The following AASDH variants were observed in gnomAD, a reference collection of about 807,000 sequenced individuals.
AASDH encodes the protein aminoadipate-semialdehyde dehydrogenase, also known as beta-alanine-activating enzyme.
Under a neutral mutation model 102.3 loss-of-function variants are expected in AASDH, and 81 were observed. That is an observed-to-expected ratio of 0.79 (90% CI 0.66 to 0.95). AASDH has a LOEUF of 0.95. Ranked by LOEUF, AASDH falls within the 40% of genes least tolerant of loss-of-function variation. The pLI, the probability that AASDH is intolerant of heterozygous loss-of-function variation, is 0.00. For synonymous variants in AASDH, 398 were observed against 454.0 expected (o/e 0.88, Z 1.57); for missense variants, 1,203 against 1,266.2 (o/e 0.95, Z 0.76).
chr4:56,357,903 T>C (rs1366146304), intron 5 of AASDH, among the ~76,000 whole-genome samples: 1 of 151,734 alleles, frequency 6.6e-6, no homozygotes, highest in Non-Finnish European at 1.5e-5. Context: ...TGGATTTTGC[T>C]GGGAAGTGTG....
rs747093207 is a variant in AASDH at position 56,350,035 on chromosome 4, ATCT to A, written c.1713_1715del (p.Glu571del). On this transcript the variant is annotated inframe_deletion, in exon 11 of 15. Transcript: ENST00000205214. ...GTGACTCATCAGGAACCCTCAAAAG[ATCT>A]TCTGGGAGATTCAGAGTAGACTACA... is the stretch of plus-strand genomic sequence containing the variant. 6.3e-7 allele frequency: 1 copy of A among 1,596,582 alleles called. No homozygotes were observed. The highest frequency in any genetic ancestry group is 1.7e-5 in the Admixed American group (1 of 57,652).
intron 5 of AASDH, among the ~76,000 whole-genome samples, chr4:56,366,836 C>T (rs1275299475): frequency 1.3e-5 from 2 of 149,622 alleles, no homozygotes; most frequent in Non-Finnish European, 3.0e-5. Context: ...TCTCTCACCA[C>T]TCCTATTCAA....
intron 11 of AASDH, among the ~76,000 whole-genome samples, chr4:56,347,262 C>G (rs1286356176): frequency 1.3e-5 from 2 of 152,158 alleles, no homozygotes; most frequent in East Asian, 3.8e-4. Context: ...TCAGCAGTTT[C>G]TTATCATTCA....
At chr4:56,339,945 G>A (rs1331008914) in intron 14 of AASDH, among the ~76,000 whole-genome samples, 1 of 151,858 alleles carries the variant, frequency 6.6e-6, no homozygotes, top group Non-Finnish European at 1.5e-5. Context: ...AAGGCAGGTG[G>A]ATCACCTGAG....
intron 7 of AASDH, 36 bp downstream of exon 7, chr4:56,354,669 G>GAA: frequency 1.4e-6 from 2 of 1,459,514 alleles, no homozygotes; most frequent in Middle Eastern, 1.8e-4. Flanking sequence ...CATTTTTCTT[G>GAA]AAAAAAAAAT....
intron 1 of AASDH, among the ~76,000 whole-genome samples, 154 bp downstream of exon 1, chr4:56,387,208 C>G (rs1035907600): frequency 1.3e-5 from 2 of 152,176 alleles, no homozygotes; most frequent in Non-Finnish European, 2.9e-5. Context: ...TTAGTCTGCA[C>G]CACACCAGCA....
intron 9 of AASDH, among the ~76,000 whole-genome samples, chr4:56,352,501 C>T (rs939340227): frequency 2.0e-5 from 3 of 152,144 alleles, no homozygotes; most frequent in Non-Finnish European, 4.4e-5. Flanking sequence ...TCAAGCGATC[C>T]TCCCACCTCA....
intron 3 of AASDH, chr4:56,381,784 T>C (rs1216664614): frequency 3.9e-5 from 6 of 152,108 alleles, no homozygotes; most frequent in Non-Finnish European, 7.3e-5. Context: ...TTTATAATGT[T>C]CTTCCCCTTT....
chr4:56,350,144 G>C (rs918911811), intron 10 of AASDH, 86 bp from the exon 11 acceptor site: 40 of 1,123,338 alleles, frequency 3.6e-5, no homozygotes, highest in Admixed American at 5.8e-5. Context: ...ATAGAGATGA[G>C]AGTACCTACA....
At chr4:56,379,649 CG>C (rs1278567652) in intron 3 of AASDH, among the ~76,000 whole-genome samples, 13 of 152,260 alleles carry the variant, frequency 8.5e-5, no homozygotes, top group Admixed American at 8.5e-4. Context: ...TAATGCAATG[CG>C]TATGATAATA....
At chr4:56,382,345 A>G in intron 3 of AASDH, 132 bp downstream of exon 3, 1 of 864,078 alleles carries the variant, frequency 1.2e-6, no homozygotes, top group Non-Finnish European at 1.7e-6. Flanking sequence ...AACCCTAAAA[A>G]TGTCATAGTG....
At chr4:56,376,747 T>C (rs1180174156) in intron 4 of AASDH, among the ~76,000 whole-genome samples, 2 of 152,166 alleles carry the variant, frequency 1.3e-5, no homozygotes, top group Non-Finnish European at 2.9e-5. Context: ...TGTTTTGGAG[T>C]ATACTAAATT....
chr4:56,384,396 G>T, intron 1 of AASDH, 55 bp from the exon 2 acceptor site: 2 of 942,870 alleles, frequency 2.1e-6, no homozygotes, highest in Non-Finnish European at 3.2e-6. Flanking sequence ...GCTCGGTGGA[G>T]GGACAGGGAA....
At chr4:56,383,373 T>A (rs1753192781) in intron 2 of AASDH, among the ~76,000 whole-genome samples, 1 of 152,188 alleles carries the variant, frequency 6.6e-6, no homozygotes, top group African/African-American at 2.4e-5. Flanking sequence ...AGCCTCAGCC[T>A]CTCAAAGTGC....
At position 56,349,341 on chromosome 4, in the gene AASDH, C is replaced by G; in HGVS notation, c.2410G>C (p.Val804Leu). The G allele has an allele frequency of 6.2e-7, 1 of 1,614,196 alleles. No individual in the cohort carries two copies. Residue 804 changes from valine (V) to leucine (L), a missense_variant, in exon 11 of 15, where the codon GTA (valine) becomes CTA (leucine). Physicochemically the swap from Val to Leu is conservative, Grantham distance 32 (BLOSUM62 1). Transcript: ENST00000205214. ...MKAVDFYSGK[V>L]KWEQILGDRI... ...TCTCCCAAAATCTGTTCCCATTTTA[C>G]CTTCCCAGAGTAAAAGTCAACTGCC... is the stretch of plus-strand genomic sequence containing the variant.
At position 56,349,577 on chromosome 4, in the gene AASDH, G is replaced by A; in HGVS notation, c.2174C>T (p.Pro725Leu). 2 of 1,614,162 alleles carry A rather than the reference G, an allele frequency of 1.2e-6. No individual in the cohort carries two copies. Among genetic ancestry groups the A allele is most frequent in the Non-Finnish European group, 1.7e-6 (2 of 1,180,038 alleles). Residue 725 changes from proline (P) to leucine (L), a missense_variant, in exon 11 of 15, where the codon CCA becomes CTA. By Grantham distance (98) the Pro-to-Leu change is moderately conservative. Transcript: ENST00000205214. ...NIQNLKGLNSPVLIGKSKDPS... is the reference protein window; with the variant it reads ...NIQNLKGLNSLVLIGKSKDPS... ...ATCTTTTGACTTCCCAATAAGAACT[G>A]GAGAATTTAAGCCTTTCAAATTTTG...
intron 5 of AASDH, among the ~76,000 whole-genome samples, chr4:56,357,507 C>A (rs1360805823): frequency 6.6e-6 from 1 of 152,024 alleles, no homozygotes; most frequent in Non-Finnish European, 1.5e-5. Flanking sequence ...ATATTTATCA[C>A]TCCCAAAACT....
intron 4 of AASDH, among the ~76,000 whole-genome samples, chr4:56,377,101 A>AAATT (rs1560613045): frequency 4.7e-4 from 71 of 151,068 alleles, no homozygotes; most frequent in Admixed American, 1.5e-3. Flanking sequence ...AAAATAAAAT[A>AAATT]AAATTAACTT....
In AASDH at chr4:56,373,933, G is replaced by A. The variant is rs552258280; in HGVS notation, c.669-2290C>T. ...CAGATTTTAAAGGAAGAAAAAAAGT[G>A]GAATGCAACAAACATTTAAACATAT... On this transcript the variant is annotated intron_variant, in intron 4 of 14. Transcript: ENST00000205214. 3.3e-5 allele frequency among the ~76,000 whole-genome samples: 5 copies of A among 152,246 alleles called. No homozygotes were observed. In the East Asian group the frequency reaches 9.6e-4, roughly 29 times the overall value.
Sources: gnomAD v4.1 joint callset for allele counts (sites outside exome capture counted in the v4.1 genomes callset) on GRCh38, gnomAD v4.1.1 for gene constraint, MANE v1.5 for transcripts, NCBI Gene and HGNC (gene_info 2026-07-23, HGNC 2026-07-21) for gene names.